TCOF1: variants seen among roughly 807,000 people sequenced by gnomAD.
The protein encoded by TCOF1 is treacle protein.
Under a neutral mutation model 149.0 loss-of-function variants are expected in TCOF1, and 33 were observed. The ratio of observed to expected loss-of-function variants is 0.22; its 90% CI spans 0.17 to 0.30. The LOEUF is 0.30. Among genes scored for constraint, TCOF1 ranks in the 10% least tolerant of loss-of-function variants. The probability of loss-of-function intolerance (pLI) is 1.00; values close to 1 mark genes in which losing one functional copy is unlikely to be tolerated. For synonymous variants in TCOF1, 789 were observed against 738.8 expected (o/e 1.07, Z -1.10); for missense variants, 1,728 against 1,840.7 (o/e 0.94, Z 1.12).
intron 17 of TCOF1, chr5:150,384,015 GCC>G: frequency 7.3e-7 from 1 of 1,378,426 alleles, no homozygotes; most frequent in Non-Finnish European, 9.4e-7. Flanking sequence ...AGAAGCTTCT[GCC>G]AGGCACCTCA....
In TCOF1 at chr5:150,379,408, G is replaced by A; in HGVS notation, c.2658G>A (p.Gln886=). ...DSEEEAETLA[Q]VKPSGKTHQI... ...AGGAGGAGGCGGAGACGCTGGCTCA[G>A]GTGAGGGGGAGGGAATGGAGATCAT... Residue 886 remains glutamine, a splice_region_variant and synonymous_variant, in exon 16 of 27, where the codon CAG becomes CAA. Coordinates refer to ENST00000643257, the MANE Select transcript of TCOF1 (RefSeq NM_001371623.1). 1 of 1,613,904 alleles carries A rather than the reference G, an allele frequency of 6.2e-7. No individual in the cohort carries two copies. Among genetic ancestry groups the A allele is most frequent in the Non-Finnish European group, 8.5e-7 (1 of 1,179,930 alleles).
At position 150,379,310 on chromosome 5, in the gene TCOF1, G is replaced by A. The variant is rs764057067; in HGVS notation, c.2560G>A (p.Val854Met). The A allele has an allele frequency of 1.3e-5, 21 of 1,614,112 alleles. No homozygotes were observed. The highest frequency in any genetic ancestry group is 5.0e-5 in the Admixed American group (3 of 60,014). ...PASVPSVGKA[V>M]ATAAQAQTGP... Reference sequence around the variant, plus strand: ...ATCTGTGCCATCTGTGGGGAAGGCCGTGGCTACAGCAGCTCAGGCCCAGAC... The same window carrying A: ...ATCTGTGCCATCTGTGGGGAAGGCCATGGCTACAGCAGCTCAGGCCCAGAC... Residue 854 changes from valine (V) to methionine (M), a missense_variant, in exon 16 of 27, where the codon GTG becomes ATG. Around this residue, in one of 2 missense-constraint regions of TCOF1, gnomAD observed 1,696 missense variants for 1,765.4 expected, o/e 0.96. Coordinates refer to ENST00000643257, the MANE Select transcript of TCOF1 (RefSeq NM_001371623.1).
chr5:150,379,616 C>A lies in TCOF1; in HGVS notation c.2743C>A (p.Pro915Thr). 1 of 1,613,994 alleles carries A rather than the reference C, an allele frequency of 6.2e-7. No homozygotes were observed. The highest frequency in any genetic ancestry group is 1.7e-4 in the Middle Eastern group (1 of 6,060). The change falls in exon 17 of 27, where the codon CCT becomes ACT. Residue 915 changes from proline to threonine, a missense_variant. Physicochemically the swap from Pro to Thr is conservative, Grantham distance 38. Around this residue, in one of 2 missense-constraint regions of TCOF1, gnomAD observed 1,696 missense variants for 1,765.4 expected, o/e 0.96. Transcript: ENST00000643257. ...ESPRKGAAPTPPGKTGPSAAQ... is the reference protein window; with the variant it reads ...ESPRKGAAPTTPGKTGPSAAQ... ...CCCCAGGAAAGGGGCTGCCCCAACA[C>A]CTCCTGGGAAGACAGGGCCTTCGGC...
intron 14 of TCOF1, among the ~76,000 whole-genome samples, chr5:150,378,289 C>T (rs1041760120): frequency 2.6e-5 from 4 of 152,212 alleles, no homozygotes; most frequent in South Asian, 2.1e-4. Context: ...GGATCTCACT[C>T]TGGGAATTTC....
At chr5:150,368,985 A>G (rs1761959060) in intron 5 of TCOF1, 83 bp downstream of exon 5, 1 of 1,551,854 alleles carries the variant, frequency 6.4e-7, no homozygotes, top group Admixed American at 1.7e-5. Context: ...AAGTTCTGGG[A>G]CATTTCTGGA....
rs1764526363 is a variant in TCOF1 at position 150,379,394 on chromosome 5, G to A, written c.2644G>A (p.Glu882Lys). 1 of 1,613,690 alleles carries A rather than the reference G, an allele frequency of 6.2e-7. No individual in the cohort carries two copies. Among genetic ancestry groups the A allele is most frequent in the African/African-American group, 1.3e-5 (1 of 74,774 alleles). The change falls in exon 16 of 27, where the codon GAG becomes AAG. Residue 882 changes from glutamate to lysine, a missense_variant. Glu to Lys is a moderately conservative substitution (Grantham distance 56, BLOSUM62 1). Transcript: ENST00000643257. ...EEESDSEEEA[E>K]TLAQVKPSGK... ...GGAGTCAGACAGTGAGGAGGAGGCGGAGACGCTGGCTCAGGTGAGGGGGAG... is the reference window on the plus strand; with the variant it reads ...GGAGTCAGACAGTGAGGAGGAGGCGAAGACGCTGGCTCAGGTGAGGGGGAG...
Position 150,398,899 on chromosome 5 carries a change from T to C in TCOF1, c.4444-123T>C, listed in dbSNP as rs1769172774. ...GCTGAACATCTGTTTGCCTCTGCCC[T>C]TGGAGGTCGCTGCAGACCCAGTATC... On this transcript the variant is annotated intron_variant, in intron 25 of 26. Coordinates refer to ENST00000643257, the MANE Select transcript of TCOF1 (RefSeq NM_001371623.1). 11 of 1,387,028 alleles carry C rather than the reference T, an allele frequency of 7.9e-6. No homozygotes were observed. In the South Asian group the frequency reaches 1.2e-4, roughly 15 times the overall value. The allele number at this position is 1,387,028 out of a possible 1,614,324, so 85.9% of individuals were successfully genotyped here.
intron 17 of TCOF1, among the ~76,000 whole-genome samples, chr5:150,382,078 C>T (rs1765329910): frequency 6.6e-6 from 1 of 152,206 alleles, no homozygotes; most frequent in Admixed American, 6.5e-5. Context: ...AGCCTATAAT[C>T]CCAGTTGAGG....
chr5:150,372,031 A>T lies in TCOF1; in HGVS notation c.665A>T (p.Gln222Leu). The T allele has an allele frequency of 6.2e-7, 1 of 1,614,240 alleles. No individual in the cohort carries two copies. The highest frequency in any genetic ancestry group is 8.5e-7 in the Non-Finnish European group (1 of 1,180,046). ...GGGAAACCCTCAGTAAAACCAGCCC[A>T]GGTCAAAGCCTCATCAGTTTCTACT... ...VEGKPSVKPA[Q>L]VKASSVSTKE... is the part of the protein sequence containing the mutation. The change falls in exon 7 of 27, where the codon CAG becomes CTG. Residue 222 changes from glutamine to leucine, a missense_variant. Gln to Leu is a moderately radical substitution (Grantham distance 113). Coordinates refer to ENST00000643257, the MANE Select transcript of TCOF1 (RefSeq NM_001371623.1).
At chr5:150,393,797 C>T (rs909251891) in intron 23 of TCOF1, 2 of 535,104 alleles carry the variant, frequency 3.7e-6, no homozygotes, top group Non-Finnish European at 3.3e-6. Context: ...GCAGATTGCT[C>T]AAGCCCAGGA....
At chr5:150,390,588 C>G (rs997020761) in intron 19 of TCOF1, among the ~76,000 whole-genome samples, 1 of 151,764 alleles carries the variant, frequency 6.6e-6, no homozygotes, top group Non-Finnish European at 1.5e-5. Context: ...TGGGCCATAT[C>G]AGTCTGGTTT....
rs914313825 is a variant in TCOF1 at position 150,374,279 on chromosome 5, G to A, written c.976G>A (p.Val326Ile). 23 of 1,599,374 alleles carry A rather than the reference G, an allele frequency of 1.4e-5. No homozygotes were observed. Among genetic ancestry groups the A allele is most frequent in the Non-Finnish European group, 1.9e-5 (22 of 1,172,440 alleles). The change falls in exon 8 of 27, where the codon GTA (valine) becomes ATA (isoleucine). Residue 326 changes from valine (V) to isoleucine (I), a missense_variant. Val to Ile is a conservative substitution (Grantham distance 29). Coordinates refer to ENST00000643257, the MANE Select transcript of TCOF1 (RefSeq NM_001371623.1). ...AGCACCCCCTGGGAAGGCAGGGGCT[G>A]TAGCCTCCCAGACCAAGGCAGGGAA... Reference protein sequence around the residue: ...TPAPPGKAGAVASQTKAGKPE... With the variant: ...TPAPPGKAGAIASQTKAGKPE...
intron 17 of TCOF1, 160 bp downstream of exon 17, chr5:150,379,892 T>G: frequency 1.2e-6 from 1 of 818,478 alleles, no homozygotes; most frequent in South Asian, 1.5e-5. Context: ...GCCAACATGG[T>G]GAAACCCCGT....
Position 150,372,276 on chromosome 5 carries a change from G to T in TCOF1, c.870+40G>T, listed in dbSNP as rs140434982. On this transcript the variant is annotated intron_variant, in intron 7 of 26. Coordinates refer to ENST00000643257, the MANE Select transcript of TCOF1 (RefSeq NM_001371623.1). Reference sequence around the variant, plus strand: ...AGGGCTGCCCCTTGGAGGACCTGCGGGTCCCCCAGCAGCCTGAGCACTCTG... The same window carrying T: ...AGGGCTGCCCCTTGGAGGACCTGCGTGTCCCCCAGCAGCCTGAGCACTCTG... The T allele has an allele frequency of 3.5e-4, 546 of 1,556,356 alleles. 2 individuals are homozygous for T. The African/African-American group carries it at 6.7e-3, about 19-fold the overall frequency.
rs1184014183 is a variant in TCOF1 at position 150,392,155 on chromosome 5, G to A, written c.3496G>A (p.Ala1166Thr). The change falls in exon 21 of 27, where the codon GCC becomes ACC. Residue 1166 changes from alanine (A) to threonine (T), a missense_variant. Ala to Thr is a moderately conservative substitution (Grantham distance 58). Around this residue, in one of 2 missense-constraint regions of TCOF1, gnomAD observed 1,696 missense variants for 1,765.4 expected, o/e 0.96. Transcript: ENST00000643257. ...GGAAGATGGTGAAGGGCCCCAGGGG[G>A]CCAAGTCAGCCCACACGCTGGGTGA... ...SEEDGEGPQG[A>T]KSAHTLVGPT... 6.2e-7 allele frequency: 1 copy of A among 1,614,142 alleles called. No homozygotes were observed.
At chr5:150,396,933 C>T in intron 24 of TCOF1, 91 bp downstream of exon 24, 2 of 1,439,602 alleles carry the variant, frequency 1.4e-6, no homozygotes, top group South Asian at 1.2e-5. Flanking sequence ...GGTCTCATTC[C>T]TCCCATGTAG....
chr5:150,398,147 C>T (rs1396875132), intron 24 of TCOF1, among the ~76,000 whole-genome samples: 1 of 152,110 alleles, frequency 6.6e-6, no homozygotes, highest in Admixed American at 6.5e-5. Context: ...GTCTTGAACT[C>T]CTGGGCTTAA....
Position 150,379,370 on chromosome 5 carries a change from G to A in TCOF1, c.2620G>A (p.Glu874Lys). 5 of 1,614,130 alleles carry A rather than the reference G, an allele frequency of 3.1e-6. No homozygotes were observed. Among genetic ancestry groups the A allele is most frequent in the Non-Finnish European group, 4.2e-6 (5 of 1,179,998 alleles). Residue 874 changes from glutamate (E) to lysine (K), a missense_variant, in exon 16 of 27, where the codon GAG becomes AAG. By Grantham distance (56) the Glu-to-Lys change is moderately conservative (BLOSUM62 1). This residue lies in a region of TCOF1 where 1,696 missense variants were observed against 1,765.4 expected (regional missense o/e 0.96). Coordinates refer to ENST00000643257, the MANE Select transcript of TCOF1 (RefSeq NM_001371623.1). Reference sequence around the variant, plus strand: ...GGAGGACTCAGGGAGCAGTGAGGAGGAGTCAGACAGTGAGGAGGAGGCGGA... The same window carrying A: ...GGAGGACTCAGGGAGCAGTGAGGAGAAGTCAGACAGTGAGGAGGAGGCGGA... ...PEEDSGSSEE[E>K]SDSEEEAETL...
rs1354199714 is a variant in TCOF1, at chr5:150,375,446, A to C, written c.1596A>C (p.Ala532=). The part of the protein sequence containing the change: ...GPVPPGKVGP[A]TPSAQVGKWE... Reference sequence around the variant, plus strand: ...TGCCACCCGGGAAGGTGGGGCCTGCAACCCCCTCAGCCCAGGTGGGGAAGT... The same window carrying C: ...TGCCACCCGGGAAGGTGGGGCCTGCCACCCCCTCAGCCCAGGTGGGGAAGT... Residue 532 remains alanine, a synonymous_variant, in exon 11 of 27, where the codon GCA becomes GCC. Transcript: ENST00000643257. The C allele has an allele frequency of 6.2e-7, 1 of 1,613,706 alleles. No homozygotes were observed. Among genetic ancestry groups the C allele is most frequent in the Non-Finnish European group, 8.5e-7 (1 of 1,179,866 alleles).
Sources: gnomAD v4.1 joint callset for allele counts (sites outside exome capture counted in the v4.1 genomes callset) on GRCh38, gnomAD v4.1.1 for gene constraint, gnomAD v4.1.1 regional missense constraint, MANE v1.5 for transcripts, NCBI Gene and HGNC (gene_info 2026-07-23, HGNC 2026-07-21) for gene names.